Variants in PDE1A observed in about 807,000 individuals in gnomAD.
PDE1A encodes the protein dual specificity calcium/calmodulin-dependent 3',5'-cyclic nucleotide phosphodiesterase 1A.
PDE1A carries 35 observed loss-of-function variants against 61.7 expected under a neutral mutation model. The ratio of observed to expected loss-of-function variants is 0.57; its 90% CI spans 0.43 to 0.75. The LOEUF (loss-of-function observed/expected upper bound fraction) is 0.75, where lower values mean the gene tolerates loss of function less well. Among genes scored for constraint, PDE1A ranks in the 30% least tolerant of loss-of-function variants. PDE1A has a pLI of 0.00. For synonymous variants in PDE1A, 232 were observed against 213.2 expected (o/e 1.09, Z -0.77); for missense variants, 597 against 630.6 (o/e 0.95, Z 0.57).
intron 2 of PDE1A, among the ~76,000 whole-genome samples, chr2:182,448,339 T>TC (rs1452121636): frequency 2.6e-5 from 4 of 151,824 alleles, no homozygotes; most frequent in Non-Finnish European, 4.4e-5. Flanking sequence ...TAGATTTTTT[T>TC]TTGTTCTTGT....
chr2:182,597,387 G>A, the PDE1A span, among the ~76,000 whole-genome samples: 1 of 152,088 alleles, frequency 6.6e-6, no homozygotes, highest in Non-Finnish European at 1.5e-5. Context: ...ATATCTGAAT[G>A]GTGCATGTGA....
At chr2:182,657,659 C>G in the PDE1A span, among the ~76,000 whole-genome samples, 1 of 151,968 alleles carries the variant, frequency 6.6e-6, no homozygotes, top group Non-Finnish European at 1.5e-5. Context: ...TGGGCATATG[C>G]TATTTCTTCT....
chr2:182,708,645 C>G, the PDE1A span, among the ~76,000 whole-genome samples: 1 of 152,088 alleles, frequency 6.6e-6, no homozygotes, highest in Non-Finnish European at 1.5e-5. Flanking sequence ...GGAAACCACC[C>G]CCATGATCCA....
rs1690399765 is a variant in PDE1A at position 182,240,305 on chromosome 2, A to G, written c.168-13T>C. On this transcript the variant is annotated splice_polypyrimidine_tract_variant and intron_variant, in intron 2 of 13. Transcript: ENST00000351439. ...ATCCAGAAGTCTTCTACAAAAATTT[A>G]TACAGATTAAACTTTTTTATAAAAA... The G allele has an allele frequency of 6.6e-7, 1 of 1,507,462 alleles. No homozygotes were observed. The highest frequency in any genetic ancestry group is 1.4e-5 in the South Asian group (1 of 72,526). 93.4% of individuals were successfully genotyped at this position (1,507,462 alleles called of 1,614,324 possible).
At chr2:182,574,894 G>A in the PDE1A span, among the ~76,000 whole-genome samples, 1 of 152,128 alleles carries the variant, frequency 6.6e-6, no homozygotes, top group Non-Finnish European at 1.5e-5. Context: ...GTTTCACTAT[G>A]TTGGCCAGGC....
At chr2:182,432,732 G>A (rs1388096007) in intron 2 of PDE1A, among the ~76,000 whole-genome samples, 1 of 151,986 alleles carries the variant, frequency 6.6e-6, no homozygotes, top group African/African-American at 2.4e-5. Flanking sequence ...GGAGACACCT[G>A]AGTTTATAAG....
chr2:182,607,452 T>C, the PDE1A span, among the ~76,000 whole-genome samples: 125 of 152,210 alleles, frequency 8.2e-4, 1 homozygote, highest in Non-Finnish European at 1.5e-3. Flanking sequence ...CTCAGCATAG[T>C]GGGGGATTGG....
At chr2:182,605,940 G>C in the PDE1A span, among the ~76,000 whole-genome samples, 12,666 of 152,004 alleles carry the variant, frequency 0.083, 573 homozygotes, top group Middle Eastern at 0.13. Context: ...CATCTTCCAG[G>C]TCTCATATTT....
intron 2 of PDE1A, among the ~76,000 whole-genome samples, chr2:182,465,937 A>T (rs991132656): frequency 6.6e-6 from 1 of 152,108 alleles, no homozygotes; most frequent in Non-Finnish European, 1.5e-5. Context: ...TATTCAAAAA[A>T]TATTTGTAAA....
chr2:182,457,283 A>T (rs898385997), intron 2 of PDE1A, among the ~76,000 whole-genome samples: 3 of 152,004 alleles, frequency 2.0e-5, no homozygotes, highest in Admixed American at 6.6e-5. Context: ...CTCTTATTTT[A>T]TTGACCTTGT....
At chr2:182,636,175 G>T in the PDE1A span, among the ~76,000 whole-genome samples, 1 of 151,548 alleles carries the variant, frequency 6.6e-6, no homozygotes, top group Non-Finnish European at 1.5e-5. Flanking sequence ...AGACAGGATG[G>T]TCTCGATCTC....
intron 2 of PDE1A, among the ~76,000 whole-genome samples, chr2:182,436,764 C>T (rs1375103877): frequency 6.6e-6 from 1 of 151,878 alleles, no homozygotes; most frequent in East Asian, 1.9e-4. Context: ...CTCAAGGCAA[C>T]TAGACTTTAG....
chr2:182,511,144 T>A (rs954200820), intron 2 of PDE1A, among the ~76,000 whole-genome samples: 1 of 151,992 alleles, frequency 6.6e-6, no homozygotes, highest in Non-Finnish European at 1.5e-5. Context: ...ATTATTTCCA[T>A]TTACAGATAA....
At chr2:182,712,337 G>T in the PDE1A span, among the ~76,000 whole-genome samples, 7 of 152,278 alleles carry the variant, frequency 4.6e-5, no homozygotes, top group African/African-American at 1.7e-4. Flanking sequence ...GACCTAAATG[G>T]GGTCTGAGGA....
At chr2:182,243,024 G>A (rs933965994) in intron 2 of PDE1A, among the ~76,000 whole-genome samples, 40 of 151,316 alleles carry the variant, frequency 2.6e-4, no homozygotes, top group Admixed American at 7.2e-4. Flanking sequence ...TACCAGTGTA[G>A]GTTATAAATA....
chr2:182,482,748 C>A (rs1307620745), intron 2 of PDE1A, among the ~76,000 whole-genome samples: 2 of 152,118 alleles, frequency 1.3e-5, no homozygotes, highest in East Asian at 3.9e-4. Context: ...TTGAAACCAG[C>A]AGCTTCATTG....
chr2:182,250,537 T>G (rs1020482274), intron 2 of PDE1A, among the ~76,000 whole-genome samples: 2 of 151,918 alleles, frequency 1.3e-5, no homozygotes, highest in East Asian at 3.9e-4. Flanking sequence ...AATGGCAAGC[T>G]TACCAATTTA....
At chr2:182,681,501 CA>C in the PDE1A span, among the ~76,000 whole-genome samples, 2 of 135,578 alleles carry the variant, frequency 1.5e-5, no homozygotes, top group Non-Finnish European at 3.2e-5. Flanking sequence ...TTTTTGTGCA[CA>C]AAAAAAACCT....
chr2:182,341,633 A>G (rs12328342), intron 1 of PDE1A, among the ~76,000 whole-genome samples: 94,963 of 152,096 alleles, frequency 0.62, 31,243 homozygotes, highest in Middle Eastern at 0.77. Flanking sequence ...GCTCTTACTT[A>G]TGAAATTTTC....
Sources: allele counts gnomAD v4.1 joint callset (sites outside exome capture counted in the v4.1 genomes callset), GRCh38; gene constraint gnomAD v4.1.1; transcripts MANE v1.5; gene names NCBI Gene and HGNC (gene_info 2026-07-23, HGNC 2026-07-21).